Variants in TARS2 observed in about 807,000 individuals in gnomAD.
The protein encoded by TARS2 is threonyl-tRNA synthetase 2, mitochondrial.
TARS2 carries 61 observed loss-of-function variants against 94.4 expected under a neutral mutation model. The ratio of observed to expected loss-of-function variants is 0.65; its 90% CI spans 0.53 to 0.80. The LOEUF (loss-of-function observed/expected upper bound fraction) is 0.80, where lower values mean the gene tolerates loss of function less well. Among genes scored for constraint, TARS2 ranks in the 30% least tolerant of loss-of-function variants. TARS2 has a pLI of 0.00. For missense variants in TARS2, 704 were observed against 902.5 expected, an observed-to-expected ratio of 0.78 and a Z score of 2.82; for synonymous variants, 359 against 353.4, an observed-to-expected ratio of 1.02 and a Z score of -0.18.
chr1:150,495,630 G>T (rs1669628776), intron 7 of TARS2, among the ~76,000 whole-genome samples: 1 of 133,882 alleles, frequency 7.5e-6, no homozygotes, highest in African/African-American at 2.5e-5. Context: ...TCTTGACCTT[G>T]TGATCCACCC....
intron 13 of TARS2, 102 bp from the exon 14 acceptor site, chr1:150,504,233 G>A: frequency 9.2e-7 from 1 of 1,085,520 alleles, no homozygotes; most frequent in Non-Finnish European, 1.4e-6. Flanking sequence ...AGTAGCCCGG[G>A]ATGAGGGTAG....
intron 9 of TARS2, among the ~76,000 whole-genome samples, 200 bp from the exon 10 acceptor site, chr1:150,497,328 CAT>C (rs1403221578): frequency 2.0e-5 from 3 of 152,070 alleles, no homozygotes; most frequent in African/African-American, 7.2e-5. Context: ...GAATCATAAA[CAT>C]AAATATTGAA....
chr1:150,501,295 A>T (rs74541324), intron 13 of TARS2, among the ~76,000 whole-genome samples: 62 of 30,240 alleles, frequency 2.1e-3, no homozygotes, highest in African/African-American at 6.1e-3. Context: ...CGTCTCTACA[A>T]AAAAAAATTT....
At position 150,504,648 on chromosome 1, in the gene TARS2, G is replaced by A; in HGVS notation, c.1735G>A (p.Glu579Lys). ...LQYKGQAGAL[E>K]RPVLIHRAVL... is the part of the protein sequence containing the mutation. Reference sequence around the variant, plus strand: ...CCTTTCAAGGCAGGCGGGTGCCCTGGAGCGTCCAGTCCTCATTCACCGAGC... The same window carrying A: ...CCTTTCAAGGCAGGCGGGTGCCCTGAAGCGTCCAGTCCTCATTCACCGAGC... Residue 579 changes from glutamate (E) to lysine (K), a missense_variant, in exon 15 of 18, where the codon GAG becomes AAG. Glu to Lys is a moderately conservative substitution (Grantham distance 56). Coordinates refer to ENST00000369064, the MANE Select transcript of TARS2 (RefSeq NM_025150.5). 1 of 1,614,116 alleles carries A rather than the reference G, an allele frequency of 6.2e-7. No homozygotes were observed. Among genetic ancestry groups the A allele is most frequent in the Non-Finnish European group, 8.5e-7 (1 of 1,180,020 alleles).
At chr1:150,499,591 C>T (rs900917991) in intron 13 of TARS2, among the ~76,000 whole-genome samples, 1 of 152,116 alleles carries the variant, frequency 6.6e-6, no homozygotes, top group African/African-American at 2.4e-5. Flanking sequence ...GTCTCGAACT[C>T]CTGACCTCAG....
At chr1:150,489,948 A>C (rs1487343158) in intron 3 of TARS2, among the ~76,000 whole-genome samples, 1 of 152,014 alleles carries the variant, frequency 6.6e-6, no homozygotes, top group African/African-American at 2.4e-5. Flanking sequence ...TCTCAAAAAG[A>C]AAAATTATTC....
At chr1:150,501,502 CTTT>C (rs200789049) in intron 13 of TARS2, among the ~76,000 whole-genome samples, 1 of 130,772 alleles carries the variant, frequency 7.6e-6, no homozygotes. Context: ...TAATTTTTTT[CTTT>C]TTTTTTTTTT....
chr1:150,505,503 G>A, intron 16 of TARS2, 88 bp from the exon 17 acceptor site: 1 of 1,154,392 alleles, frequency 8.7e-7, no homozygotes, highest in Non-Finnish European at 1.3e-6. Context: ...AGGAACAGAT[G>A]GGGGCATTGA....
chr1:150,497,054 G>A (rs1027180351), intron 9 of TARS2, 146 bp downstream of exon 9: 12 of 724,630 alleles, frequency 1.7e-5, no homozygotes, highest in Non-Finnish European at 2.0e-5. Flanking sequence ...AGGCTGAGCC[G>A]TGCAGATCAC....
chr1:150,489,566 A>T (rs1172437067), intron 3 of TARS2, among the ~76,000 whole-genome samples: 1 of 152,182 alleles, frequency 6.6e-6, no homozygotes, highest in Non-Finnish European at 1.5e-5. Context: ...CAAGAGGAAT[A>T]TATCGCACTA....
intron 3 of TARS2, among the ~76,000 whole-genome samples, chr1:150,489,461 C>T (rs1669285037): frequency 6.6e-6 from 1 of 152,174 alleles, no homozygotes; most frequent in African/African-American, 2.4e-5. Context: ...CCCACCTTGT[C>T]TTCTTCATGT....
chr1:150,497,348 G>A (rs1023687394), intron 9 of TARS2, among the ~76,000 whole-genome samples, 182 bp from the exon 10 acceptor site: 3 of 152,140 alleles, frequency 2.0e-5, no homozygotes, highest in Admixed American at 2.0e-4. Flanking sequence ...GAAAGTGCTG[G>A]TGACCTTTAA....
rs1479483134 is a variant in TARS2, at chr1:150,504,951, G to A, written c.1866G>A (p.Gly622=). The part of the protein sequence containing the change: ...SPFQVVVIPV[G]SEQEEYAKEA... Reference sequence around the variant, plus strand: ...TCCAGGTGGTGGTCATCCCTGTGGGGAGTGAGCAAGAGGAATACGCCAAAG... The same window carrying A: ...TCCAGGTGGTGGTCATCCCTGTGGGAAGTGAGCAAGAGGAATACGCCAAAG... Residue 622 remains glycine, a synonymous_variant, in exon 16 of 18, where the codon GGG becomes GGA. Coordinates refer to ENST00000369064, the MANE Select transcript of TARS2 (RefSeq NM_025150.5). The A allele has an allele frequency of 3.1e-6, 5 of 1,614,084 alleles. No individual in the cohort carries two copies. The highest frequency in any genetic ancestry group is 4.2e-6 in the Non-Finnish European group (5 of 1,180,054).
chr1:150,492,337 T>G (rs1669433514), intron 6 of TARS2, 74 bp from the exon 7 acceptor site: 2 of 1,480,890 alleles, frequency 1.4e-6, no homozygotes, highest in South Asian at 1.1e-5. Flanking sequence ...TTCTGTCAGC[T>G]AAAGACCATG....
rs1185275631 is a variant in TARS2 at position 150,496,827 on chromosome 1, C to T, written c.939C>T (p.Phe313=). The T allele has an allele frequency of 2.5e-6, 4 of 1,613,944 alleles. No homozygotes were observed. In the African/African-American group the frequency reaches 5.3e-5, roughly 22 times the overall value. Residue 313 remains phenylalanine, a synonymous_variant, in exon 9 of 18, where the codon TTC becomes TTT. Coordinates refer to ENST00000369064, the MANE Select transcript of TARS2 (RefSeq NM_025150.5). ...RRIGKEQELF[F]FHELSPGSCF... ...GACCCCAGGAACAGGAGCTCTTCTT[C>T]TTCCATGAACTGAGCCCTGGGAGCT...
chr1:150,499,332 T>C, intron 13 of TARS2, 39 bp downstream of exon 13: 1 of 1,591,076 alleles, frequency 6.3e-7, no homozygotes, highest in Non-Finnish European at 8.5e-7. Flanking sequence ...ATTTATTTAT[T>C]TTTTGCTTTG....
chr1:150,498,386 C>A, intron 10 of TARS2, 116 bp from the exon 11 acceptor site: 1 of 1,290,792 alleles, frequency 7.7e-7, no homozygotes, highest in Non-Finnish European at 1.0e-6. Context: ...TGTGCTGAGG[C>A]TGGAGAGGGT....
intron 13 of TARS2, among the ~76,000 whole-genome samples, chr1:150,502,488 C>T (rs746447782): frequency 6.6e-6 from 1 of 151,590 alleles, no homozygotes; most frequent in Non-Finnish European, 1.5e-5. Flanking sequence ...TGGGTTCAAG[C>T]GATTCTCCTG....
chr1:150,490,244 G>C (rs774835655), intron 3 of TARS2, among the ~76,000 whole-genome samples: 4 of 146,774 alleles, frequency 2.7e-5, no homozygotes, highest in Non-Finnish European at 6.0e-5. Context: ...TCAGCCTCCT[G>C]AGTAGCTGGG....
Sources: gnomAD v4.1 joint callset for allele counts (sites outside exome capture counted in the v4.1 genomes callset) on GRCh38, gnomAD v4.1.1 for gene constraint, MANE v1.5 for transcripts, NCBI Gene and HGNC (gene_info 2026-07-23, HGNC 2026-07-21) for gene names.